UROC1: variants seen among roughly 807,000 people sequenced by gnomAD.
The protein encoded by UROC1 is urocanate hydratase.
UROC1 carries 79 observed loss-of-function variants against 89.5 expected under a neutral mutation model. The ratio of observed to expected loss-of-function variants is 0.88; its 90% CI spans 0.74 to 1.06. The LOEUF (loss-of-function observed/expected upper bound fraction) is 1.06. Ranked by LOEUF, UROC1 falls within the 50% of genes least tolerant of loss-of-function variation. UROC1 has a pLI of 0.00. For missense variants in UROC1, 885 were observed against 907.8 expected (o/e 0.97, Z 0.32); for synonymous variants, 361 against 354.8 (o/e 1.02, Z -0.20).
At chr3:126,511,467 T>G (rs908259175) in intron 1 of UROC1, among the ~76,000 whole-genome samples, 2 of 152,238 alleles carry the variant, frequency 1.3e-5, no homozygotes, top group African/African-American at 4.8e-5. Context: ...ACCACTGTCC[T>G]CACTATTCTA....
chr3:126,507,467 C>T (rs1205786363), intron 6 of UROC1, among the ~76,000 whole-genome samples: 1 of 152,006 alleles, frequency 6.6e-6, no homozygotes, highest in East Asian at 1.9e-4. Flanking sequence ...GTGGTATTCA[C>T]TGTAAATTCG....
chr3:126,500,803 C>T lies in UROC1; in HGVS notation c.1037G>A (p.Cys346Tyr). The change falls in exon 11 of 20, where the codon TGC (cysteine) becomes TAC (tyrosine). Residue 346 changes from cysteine (C) to tyrosine (Y), a missense_variant. Coordinates refer to ENST00000290868, the MANE Select transcript of UROC1 (RefSeq NM_144639.3). ...GTAGCCGCCATTGAACGGGTTGTGG[C>T]AGGATGTCTGATCTGACCCCAGGTC... ...LVDLGSDQTSCHNPFNGGYYP... is the reference protein window; with the variant it reads ...LVDLGSDQTSYHNPFNGGYYP... The T allele has an allele frequency of 6.2e-7, 1 of 1,614,050 alleles. No homozygotes were observed. The highest frequency in any genetic ancestry group is 2.2e-5 in the East Asian group (1 of 44,870).
In UROC1 at chr3:126,517,661, C is replaced by A. The variant is rs184621973; in HGVS notation, c.59G>T (p.Arg20Leu). Reference protein sequence around the residue: ...GLPLRPLPENRGRQAGVPHAP... With the variant: ...GLPLRPLPENLGRQAGVPHAP... Reference sequence around the variant, plus strand: ...ATGGGGCACCCCAGCCTGGCGTCCCCGGTTCTCTGGGAGGGGCCGCAGGGG... The same window carrying A: ...ATGGGGCACCCCAGCCTGGCGTCCCAGGTTCTCTGGGAGGGGCCGCAGGGG... The change falls in exon 1 of 20, where the codon CGG (arginine) becomes CTG (leucine). Residue 20 changes from arginine (R) to leucine (L), a missense_variant. Coordinates refer to ENST00000290868, the MANE Select transcript of UROC1 (RefSeq NM_144639.3). The A allele has an allele frequency of 6.2e-6, 10 of 1,608,012 alleles. No individual in the cohort carries two copies. The highest frequency in any genetic ancestry group is 1.7e-5 in the Admixed American group (1 of 59,312).
At chr3:126,506,748 C>T (rs560149082) in intron 6 of UROC1, among the ~76,000 whole-genome samples, 355 of 152,294 alleles carry the variant, frequency 2.3e-3, no homozygotes, top group Non-Finnish European at 4.1e-3. Flanking sequence ...AGAGGGATCT[C>T]CTTTTCAGTG....
chr3:126,487,155 C>T (rs1057155150), intron 18 of UROC1, among the ~76,000 whole-genome samples: 1 of 152,272 alleles, frequency 6.6e-6, no homozygotes, highest in Middle Eastern at 3.4e-3. Flanking sequence ...CACTCTTCCT[C>T]GGCCTGCCTT....
chr3:126,490,955 G>T (rs527367960), intron 16 of UROC1, among the ~76,000 whole-genome samples: 1 of 152,184 alleles, frequency 6.6e-6, no homozygotes, highest in Admixed American at 6.5e-5. Flanking sequence ...GTTGATGGGC[G>T]TGATCTTCCC....
chr3:126,513,332 T>C (rs1936233251), intron 1 of UROC1, among the ~76,000 whole-genome samples: 1 of 152,250 alleles, frequency 6.6e-6, no homozygotes, highest in Non-Finnish European at 1.5e-5. Flanking sequence ...CTCCTGTTCC[T>C]GCACCCTGCT....
At chr3:126,485,343 A>G (rs948870887) in intron 18 of UROC1, among the ~76,000 whole-genome samples, 1 of 150,654 alleles carries the variant, frequency 6.6e-6, no homozygotes, top group Non-Finnish European at 1.5e-5. Flanking sequence ...TACCCTGTGC[A>G]GGCAGATGGC....
intron 1 of UROC1, among the ~76,000 whole-genome samples, chr3:126,516,835 C>T (rs572849688): frequency 1.4e-4 from 21 of 150,386 alleles, no homozygotes; most frequent in African/African-American, 4.7e-4. Context: ...CAAAGGGCAG[C>T]CATCTTTACC....
At chr3:126,504,631 C>T (rs957413581) in intron 8 of UROC1, among the ~76,000 whole-genome samples, 1 of 152,132 alleles carries the variant, frequency 6.6e-6, no homozygotes, top group African/African-American at 2.4e-5. Flanking sequence ...AAAATAAAAC[C>T]CTATTTACAC....
intron 1 of UROC1, 62 bp downstream of exon 1, chr3:126,517,532 C>G: frequency 6.2e-7 from 1 of 1,611,574 alleles, no homozygotes; most frequent in Non-Finnish European, 8.5e-7. Flanking sequence ...TGGGTGCTCA[C>G]TATGGACCAC....
In UROC1 at chr3:126,500,231, G is replaced by A. The variant is rs376218876; in HGVS notation, c.1146-77C>T. The stretch of plus-strand genomic sequence containing the variant: ...CAATGTGGCACCCTCAGTCGCACCC[G>A]CCATGCTCCCCACCAACTTCCAGCC... On this transcript the variant is annotated intron_variant, in intron 11 of 19. Coordinates refer to ENST00000290868, the MANE Select transcript of UROC1 (RefSeq NM_144639.3). The A allele has an allele frequency of 5.3e-4, 761 of 1,439,416 alleles. 7 individuals are homozygous for A. The East Asian group carries it at 0.015, about 29-fold the overall frequency. The allele number at this position is 1,439,416 out of a possible 1,614,324, so 89.2% of individuals were successfully genotyped here. A position where few individuals can be genotyped will look rare whatever the true frequency, so the allele number is the denominator to read the frequency against.
Position 126,510,777 on chromosome 3 carries a change from GGCGTTCCTCAGC to G in UROC1, c.132_143del (p.Asn47_Arg50del), listed in dbSNP as rs1936178145. On this transcript the variant is annotated inframe_deletion, in exon 2 of 20. Coordinates refer to ENST00000290868, the MANE Select transcript of UROC1 (RefSeq NM_144639.3). ...GGACATCCGGGGGGAAGTAGCGCAGGGCGTTCCTCAGCGCCAGCTGGGGTAGGAGAGCGGAGA... is the reference window on the plus strand; with the variant it reads ...GGACATCCGGGGGGAAGTAGCGCAGGGCCAGCTGGGGTAGGAGAGCGGAGA... 6.2e-7 allele frequency: 1 copy of G among 1,613,650 alleles called. No individual in the cohort carries two copies. The highest frequency in any genetic ancestry group is 1.3e-5 in the African/African-American group (1 of 74,950).
chr3:126,497,158 T>C (rs1576718353), intron 14 of UROC1, among the ~76,000 whole-genome samples: 1 of 152,238 alleles, frequency 6.6e-6, no homozygotes, highest in Non-Finnish European at 1.5e-5. Flanking sequence ...TCTGAGTCTG[T>C]GTAACCTGGG....
At chr3:126,497,154 T>C (rs1330345302) in intron 14 of UROC1, among the ~76,000 whole-genome samples, 1 of 151,814 alleles carries the variant, frequency 6.6e-6, no homozygotes, top group African/African-American at 2.4e-5. Context: ...CTACTCTGAG[T>C]CTGTGTAACC....
chr3:126,488,006 GC>G (rs1560115824), intron 18 of UROC1, among the ~76,000 whole-genome samples, 191 bp downstream of exon 18: 5 of 152,184 alleles, frequency 3.3e-5, no homozygotes, highest in African/African-American at 1.2e-4. Flanking sequence ...GGTGGCTAAT[GC>G]AAGTCCTCTC....
intron 3 of UROC1, among the ~76,000 whole-genome samples, chr3:126,508,717 G>A (rs1936126670): frequency 6.6e-6 from 1 of 152,172 alleles, no homozygotes; most frequent in African/African-American, 2.4e-5. Flanking sequence ...ACTCAGCCTG[G>A]GGTCAAAGGC....
At chr3:126,495,293 A>G (rs1349438246) in intron 15 of UROC1, among the ~76,000 whole-genome samples, 1 of 152,058 alleles carries the variant, frequency 6.6e-6, no homozygotes, top group African/African-American at 2.4e-5. Flanking sequence ...CCATTGCCCC[A>G]TCCATCTCCC....
At position 126,498,094 on chromosome 3, in the gene UROC1, G is replaced by C; in HGVS notation, c.1395C>G (p.Asp465Glu). 1 of 1,614,128 alleles carries C rather than the reference G, an allele frequency of 6.2e-7. No individual in the cohort carries two copies. Among genetic ancestry groups the C allele is most frequent in the Non-Finnish European group, 8.5e-7 (1 of 1,180,024 alleles). ...SGDPQDLAVT[D>E]ELATSVLEEA... ...CCTCCAGCACAGATGTGGCCAGTTC[G>C]TCTGTGACCGCCAGGTCCTGGGGGT... The change falls in exon 14 of 20, where the codon GAC (aspartate) becomes GAG (glutamate). Residue 465 changes from aspartate (D) to glutamate (E), a missense_variant. Asp to Glu is a conservative substitution (Grantham distance 45, BLOSUM62 2). Transcript: ENST00000290868.
Sources: allele counts gnomAD v4.1 joint callset (sites outside exome capture counted in the v4.1 genomes callset), GRCh38; gene constraint gnomAD v4.1.1; transcripts MANE v1.5; gene names NCBI Gene and HGNC (gene_info 2026-07-23, HGNC 2026-07-21).